Variants in EYS observed in about 807,000 individuals in gnomAD.
The protein encoded by EYS is EGF-like photoreceptor maintenance factor.
Under a neutral mutation model 282.1 loss-of-function variants are expected in EYS, and 250 were observed. The observed-to-expected ratio is 0.89, with a 90% CI of 0.80 to 0.98. The LOEUF (loss-of-function observed/expected upper bound fraction) is 0.98, where lower values mean the gene tolerates loss of function less well. Among genes scored for constraint, EYS ranks in the 50% least tolerant of loss-of-function variants. EYS has a pLI of 0.00. For synonymous variants in EYS, 1,355 were observed against 1,282.9 expected (o/e 1.06, Z -1.20); for missense variants, 4,016 against 3,709.0 (o/e 1.08, Z -2.15).
chr6:65,136,584 A>G (rs1038036074), intron 12 of EYS, among the ~76,000 whole-genome samples: 2 of 152,098 alleles, frequency 1.3e-5, no homozygotes, highest in African/African-American at 4.8e-5. Flanking sequence ...CAAATTACAA[A>G]CTGAATTTCT....
intron 2 of EYS, among the ~76,000 whole-genome samples, chr6:65,638,575 A>G (rs1270211046): frequency 1.3e-5 from 2 of 152,148 alleles, no homozygotes; most frequent in East Asian, 3.9e-4. Flanking sequence ...TCATCCAGAC[A>G]CAGGTGCCCA....
chr6:65,373,583 C>T (rs1765244264), intron 8 of EYS, among the ~76,000 whole-genome samples: 1 of 152,020 alleles, frequency 6.6e-6, no homozygotes, highest in Non-Finnish European at 1.5e-5. Context: ...TGGATAAATA[C>T]ATACAAATAT....
At chr6:63,812,098 T>C (rs1006124096) in intron 36 of EYS, among the ~76,000 whole-genome samples, 8 of 152,226 alleles carry the variant, frequency 5.3e-5, no homozygotes, top group African/African-American at 1.9e-4. Flanking sequence ...TCAAAGTTTC[T>C]CCAGCATTTT....
At chr6:64,815,005 T>C (rs1764707338) in intron 21 of EYS, among the ~76,000 whole-genome samples, 1 of 151,976 alleles carries the variant, frequency 6.6e-6, no homozygotes, top group Non-Finnish European at 1.5e-5. Flanking sequence ...GCCATTGCAT[T>C]AATATCATGT....
intron 31 of EYS, among the ~76,000 whole-genome samples, chr6:64,132,980 C>T (rs945853740): frequency 7.9e-5 from 12 of 151,760 alleles, no homozygotes; most frequent in South Asian, 2.1e-4. Context: ...GAATGTACTA[C>T]GTGTAACTTA....
intron 33 of EYS, among the ~76,000 whole-genome samples, chr6:64,010,267 G>A (rs1768547818): frequency 6.6e-6 from 1 of 152,126 alleles, no homozygotes; most frequent in African/African-American, 2.4e-5. Context: ...TGGCGAGACT[G>A]GGGATGCGGT....
At chr6:65,067,193 T>C (rs748020978) in intron 12 of EYS, among the ~76,000 whole-genome samples, 1 of 152,192 alleles carries the variant, frequency 6.6e-6, no homozygotes, top group Non-Finnish European at 1.5e-5. Flanking sequence ...AATTGGAAAT[T>C]TCCATTTCCA....
At position 65,659,304 on chromosome 6, in the gene EYS, A is replaced by G. The variant is rs1223273655; in HGVS notation, c.-447-19412T>C. Among the ~76,000 whole-genome samples the G allele has an allele frequency of 3.3e-5, 5 of 151,718 alleles. No homozygotes were observed. The South Asian group carries it at 1.0e-3, about 31-fold the overall frequency. Reference sequence around the variant, plus strand: ...TTTTCAACAATTTTTATGGTGCAGGAGTACTATCTGGCAATACAAGTTTAT... The same window carrying G: ...TTTTCAACAATTTTTATGGTGCAGGGGTACTATCTGGCAATACAAGTTTAT... On this transcript the variant is annotated intron_variant, in intron 1 of 42. Coordinates refer to ENST00000503581, the MANE Select transcript of EYS (RefSeq NM_001142800.2).
intron 35 of EYS, among the ~76,000 whole-genome samples, chr6:63,923,713 A>G (rs993280611): frequency 6.6e-6 from 1 of 152,076 alleles, no homozygotes; most frequent in Non-Finnish European, 1.5e-5. Flanking sequence ...TAGTTTTTCA[A>G]CCTTTGTCCT....
At chr6:65,558,684 T>C (rs369919420) in intron 2 of EYS, among the ~76,000 whole-genome samples, 16 of 152,136 alleles carry the variant, frequency 1.1e-4, no homozygotes, top group African/African-American at 3.9e-4. Flanking sequence ...CAACTTCGGA[T>C]ATAGCAAAAA....
chr6:65,385,781 G>A (rs960402063), intron 7 of EYS, among the ~76,000 whole-genome samples: 23 of 151,890 alleles, frequency 1.5e-4, no homozygotes, highest in Admixed American at 1.4e-3. Flanking sequence ...TCCACAGATA[G>A]TAAGATATAT....
chr6:64,067,007 A>G (rs1771396148), intron 32 of EYS, among the ~76,000 whole-genome samples: 1 of 152,052 alleles, frequency 6.6e-6, no homozygotes, highest in Non-Finnish European at 1.5e-5. Context: ...TATAGAGAAA[A>G]GAGATAAATA....
intron 26 of EYS, among the ~76,000 whole-genome samples, chr6:64,508,358 T>C (rs1364211468): frequency 6.6e-6 from 1 of 151,910 alleles, no homozygotes; most frequent in Non-Finnish European, 1.5e-5. Context: ...TCAAACAGTA[T>C]TTCCCTAGGG....
At chr6:63,833,168 G>A (rs1771695379) in intron 36 of EYS, among the ~76,000 whole-genome samples, 1 of 152,154 alleles carries the variant, frequency 6.6e-6, no homozygotes. Context: ...AGACAGGGAT[G>A]CCCTCTCTCA....
At chr6:64,375,664 G>C (rs1772538769) in intron 29 of EYS, among the ~76,000 whole-genome samples, 1 of 152,190 alleles carries the variant, frequency 6.6e-6, no homozygotes, top group Admixed American at 6.5e-5. Flanking sequence ...TTTGCAAAAA[G>C]AGGGAATTCT....
intron 22 of EYS, among the ~76,000 whole-genome samples, chr6:64,768,292 C>A (rs1027976942): frequency 3.3e-5 from 5 of 151,730 alleles, no homozygotes; most frequent in African/African-American, 1.2e-4. Context: ...GAGAAATTTC[C>A]TTTTTTTGAA....
At chr6:64,799,491 C>T (rs1774469222) in intron 22 of EYS, among the ~76,000 whole-genome samples, 1 of 151,710 alleles carries the variant, frequency 6.6e-6, no homozygotes, top group Non-Finnish European at 1.5e-5. Flanking sequence ...TCATTTAAGA[C>T]ATTTATCTAA....
rs1031699882 is a variant in EYS, at chr6:63,799,649, A to G, written c.7411+6541T>C. Among the ~76,000 whole-genome samples the G allele has an allele frequency of 1.3e-5, 2 of 152,232 alleles. 1 individual carries two copies. The highest frequency in any genetic ancestry group is 4.1e-4 in the South Asian group (2 of 4,830). On this transcript the variant is annotated intron_variant, in intron 37 of 42. Transcript: ENST00000503581. ...TTTATGATTAATCTTGTTGAGGGAC[A>G]AGATTAAGATTATGAAATTGCTGCT...
At chr6:64,068,163 T>A (rs1771446284) in intron 32 of EYS, among the ~76,000 whole-genome samples, 1 of 152,204 alleles carries the variant, frequency 6.6e-6, no homozygotes, top group Non-Finnish European at 1.5e-5. Context: ...ATGGTCACTT[T>A]GTAGATTTTA....
Sources: allele counts gnomAD v4.1 joint callset (sites outside exome capture counted in the v4.1 genomes callset), GRCh38; gene constraint gnomAD v4.1.1; transcripts MANE v1.5; gene names NCBI Gene and HGNC (gene_info 2026-07-23, HGNC 2026-07-21).